Variants in CALN1 observed in about 807,000 individuals in gnomAD.
The protein encoded by CALN1 is calneuron 1, also known as calcium-binding protein 8.
A neutral mutation model predicts 30.6 loss-of-function variants in CALN1; 17 were observed. The observed-to-expected ratio is 0.56, with a 90% confidence interval of 0.38 to 0.83. CALN1 has a LOEUF of 0.83. Among genes scored for constraint, CALN1 ranks in the 40% least tolerant of loss-of-function variants. The pLI, the probability that CALN1 is intolerant of heterozygous loss-of-function variation, is 0.00. For synonymous variants in CALN1, 156 were observed against 131.4 expected (o/e 1.19, Z -1.28); for missense variants, 291 against 354.9 (o/e 0.82, Z 1.45).
At chr7:72,308,280 T>A (rs1799786788) in intron 2 of CALN1, among the ~76,000 whole-genome samples, 1 of 148,494 alleles carries the variant, frequency 6.7e-6, no homozygotes, top group Non-Finnish European at 1.5e-5. Context: ...ACAAAGATCA[T>A]TTGAACCAGG....
intron 5 of CALN1, among the ~76,000 whole-genome samples, chr7:71,896,074 C>G (rs1015883654): frequency 3.9e-5 from 6 of 152,206 alleles, no homozygotes; most frequent in Admixed American, 2.6e-4. Context: ...CAGAAGCCAA[C>G]TGAATTCTAC....
At chr7:72,008,337 G>C (rs891426822) in intron 5 of CALN1, among the ~76,000 whole-genome samples, 4 of 151,688 alleles carry the variant, frequency 2.6e-5, no homozygotes, top group African/African-American at 4.9e-5. Flanking sequence ...AGACCATATA[G>C]TAAGTGATCA....
At chr7:72,179,331 A>C (rs2129545954) in intron 3 of CALN1, among the ~76,000 whole-genome samples, 1 of 152,272 alleles carries the variant, frequency 6.6e-6, no homozygotes, top group East Asian at 1.9e-4. Context: ...AATGTCATAC[A>C]ATTTTTTTGA....
intron 5 of CALN1, among the ~76,000 whole-genome samples, chr7:71,921,541 C>A (rs1794945490): frequency 2.0e-5 from 3 of 152,092 alleles, no homozygotes; most frequent in Non-Finnish European, 2.9e-5. Flanking sequence ...AGACAAAAAA[C>A]CACCTTAATA....
chr7:72,329,808 G>C (rs1358958041), intron 2 of CALN1, among the ~76,000 whole-genome samples: 1 of 150,142 alleles, frequency 6.7e-6, no homozygotes, highest in East Asian at 2.0e-4. Context: ...CCACAAATTA[G>C]CTGGGCGTGG....
Position 72,286,779 on chromosome 7 carries a change from C to T in CALN1, c.120-7969G>A, listed in dbSNP as rs371990579. On this transcript the variant is annotated intron_variant, in intron 2 of 6. Transcript: ENST00000395275. ...TAACGTAGTGGTCTGTGTAAAAGTT[C>T]TGCATCATTAGAGAAGGAAGAACTT... Among the ~76,000 whole-genome samples the T allele has an allele frequency of 3.3e-5, 5 of 152,284 alleles. No homozygotes were observed. The East Asian group carries it at 9.7e-4, about 29-fold the overall frequency.
intron 5 of CALN1, among the ~76,000 whole-genome samples, chr7:71,995,942 C>T (rs1799230269): frequency 6.6e-6 from 1 of 152,096 alleles, no homozygotes; most frequent in African/African-American, 2.4e-5. Context: ...CTCCTTGTTC[C>T]TGCTTAAGAA....
chr7:72,181,628 C>A (rs771797443), intron 3 of CALN1, among the ~76,000 whole-genome samples: 11 of 152,086 alleles, frequency 7.2e-5, no homozygotes, highest in Non-Finnish European at 1.5e-4. Context: ...CAGGTGTGAG[C>A]CACCATGCTG....
At chr7:71,820,287 A>C (rs1441728804) in intron 5 of CALN1, among the ~76,000 whole-genome samples, 2 of 152,060 alleles carry the variant, frequency 1.3e-5, no homozygotes, top group Non-Finnish European at 2.9e-5. Flanking sequence ...CTCCCCACCC[A>C]CCAACCTCCA....
At chr7:71,890,927 G>T (rs1305486157) in intron 5 of CALN1, among the ~76,000 whole-genome samples, 1 of 151,704 alleles carries the variant, frequency 6.6e-6, no homozygotes, top group Non-Finnish European at 1.5e-5. Context: ...TTGTATGTTT[G>T]GTAGAGACAG....
intron 2 of CALN1, among the ~76,000 whole-genome samples, chr7:72,373,161 C>T (rs1378392765): frequency 6.6e-6 from 1 of 151,972 alleles, no homozygotes; most frequent in African/African-American, 2.4e-5. Context: ...GAAGAAAGAG[C>T]CAGAGAATGT....
chr7:72,247,435 G>A (rs1413466877), intron 3 of CALN1, among the ~76,000 whole-genome samples: 3 of 151,242 alleles, frequency 2.0e-5, no homozygotes, highest in Non-Finnish European at 4.4e-5. Context: ...TTTTAGTAGA[G>A]ACGGGTTTCA....
rs80003220 is a variant in CALN1 at position 72,367,470 on chromosome 7, T to C, written c.119+35781A>G. ...GAGCTCCTGTCTCTGCAAAAATAAA[T>C]TGAAAAATTAACGGTGTGGTGGTGC... is the stretch of plus-strand genomic sequence containing the variant. On this transcript the variant is annotated intron_variant, in intron 2 of 6. Transcript: ENST00000395275. 9.0e-3 allele frequency among the ~76,000 whole-genome samples: 1,361 copies of C among 151,842 alleles called. 21 individuals carry two copies. The highest frequency in any genetic ancestry group is 0.031 in the African/African-American group (1,276 of 41,422).
chr7:71,811,676 CT>C (rs59136685), intron 5 of CALN1, among the ~76,000 whole-genome samples: 1,466 of 139,904 alleles, frequency 0.01, 11 homozygotes, highest in African/African-American at 0.022. Context: ...TTTCTTTTTT[CT>C]TTTTTTTTTT....
At chr7:71,853,446 TGAG>T (rs1386425055) in intron 5 of CALN1, among the ~76,000 whole-genome samples, 1 of 152,180 alleles carries the variant, frequency 6.6e-6, no homozygotes, top group Non-Finnish European at 1.5e-5. Flanking sequence ...GTTTTTGTGA[TGAG>T]AACATTTAAA....
chr7:72,331,619 T>C (rs552952021), intron 2 of CALN1, among the ~76,000 whole-genome samples: 1 of 152,280 alleles, frequency 6.6e-6, no homozygotes, highest in East Asian at 1.9e-4. Flanking sequence ...CAGCAACTTT[T>C]TTTTCTAATA....
chr7:72,154,804 A>G (rs967606271), intron 3 of CALN1, among the ~76,000 whole-genome samples: 2 of 152,144 alleles, frequency 1.3e-5, no homozygotes, highest in Non-Finnish European at 2.9e-5. Context: ...ATGCTTTGGG[A>G]GGCTGAAGAG....
intron 2 of CALN1, among the ~76,000 whole-genome samples, chr7:72,381,553 G>A (rs1418737946): frequency 2.0e-5 from 3 of 152,134 alleles, no homozygotes; most frequent in African/African-American, 4.8e-5. Flanking sequence ...CCTTCGCAGG[G>A]GCATAGTTGA....
chr7:71,927,223 T>G (rs1366439027), intron 5 of CALN1, among the ~76,000 whole-genome samples: 1 of 145,132 alleles, frequency 6.9e-6, no homozygotes, highest in African/African-American at 2.5e-5. Flanking sequence ...TGTATGTGTT[T>G]TTTTGAGACA....
Sources: allele counts gnomAD v4.1 joint callset (sites outside exome capture counted in the v4.1 genomes callset), GRCh38; gene constraint gnomAD v4.1.1; transcripts MANE v1.5; gene names NCBI Gene and HGNC (gene_info 2026-07-23, HGNC 2026-07-21).